PRKG1: variants seen among roughly 807,000 people sequenced by gnomAD.
The protein encoded by PRKG1 is cGMP-dependent protein kinase 1.
In PRKG1, 35 loss-of-function variants were observed where a neutral mutation model predicts 88.1. The ratio of observed to expected loss-of-function variants is 0.40; its 90% CI spans 0.30 to 0.53. PRKG1 has a LOEUF of 0.53. Ranked by LOEUF, PRKG1 falls within the 20% of genes least tolerant of loss-of-function variation. The probability of loss-of-function intolerance (pLI) is 0.59; values close to 1 mark genes in which losing one functional copy is unlikely to be tolerated. For synonymous variants in PRKG1, 303 were observed against 292.5 expected (o/e 1.04, Z -0.37); for missense variants, 540 against 839.8 (o/e 0.64, Z 4.41).
intron 2 of PRKG1, among the ~76,000 whole-genome samples, chr10:51,273,413 C>T (rs79302330): frequency 0.2 from 30,414 of 151,442 alleles, 3,985 homozygotes; most frequent in African/African-American, 0.37. Flanking sequence ...TCCCAGCTAC[C>T]TGAGAGGCTG....
chr10:51,956,878 A>G (rs934500370), intron 5 of PRKG1, among the ~76,000 whole-genome samples: 2 of 152,130 alleles, frequency 1.3e-5, no homozygotes, highest in Non-Finnish European at 2.9e-5. Flanking sequence ...TCTATATGTT[A>G]CTAGCCCTGA....
intron 3 of PRKG1, among the ~76,000 whole-genome samples, chr10:51,578,562 C>T (rs2879585): frequency 0.013 from 2,015 of 152,184 alleles, 19 homozygotes; most frequent in Non-Finnish European, 0.02. Flanking sequence ...TGAAGTCTGT[C>T]TTCTCACAGG....
At chr10:51,580,270 G>A (rs1034053777) in intron 3 of PRKG1, among the ~76,000 whole-genome samples, 16 of 152,064 alleles carry the variant, frequency 1.1e-4, no homozygotes, top group African/African-American at 3.9e-4. Context: ...AAGGTACAAT[G>A]CAGTTTGTTG....
intron 2 of PRKG1, among the ~76,000 whole-genome samples, chr10:51,174,014 G>A (rs990443595): frequency 6.6e-6 from 1 of 151,830 alleles, no homozygotes; most frequent in South Asian, 2.1e-4. Context: ...GGAGAAAGAA[G>A]TATCCCTCAA....
chr10:52,051,671 A>G (rs10824002), intron 5 of PRKG1, among the ~76,000 whole-genome samples: 39,798 of 152,072 alleles, frequency 0.26, 6,473 homozygotes, highest in East Asian at 0.71. Context: ...ATTGAACCCT[A>G]TCATTGGGCA....
At chr10:51,300,947 A>T (rs1470171166) in intron 2 of PRKG1, among the ~76,000 whole-genome samples, 1 of 152,178 alleles carries the variant, frequency 6.6e-6, no homozygotes, top group Non-Finnish European at 1.5e-5. Context: ...CTAAGCTTCT[A>T]ATTTCACTTT....
intron 5 of PRKG1, among the ~76,000 whole-genome samples, chr10:52,033,771 G>A (rs1474034077): frequency 6.6e-6 from 1 of 152,140 alleles, no homozygotes; most frequent in African/African-American, 2.4e-5. Context: ...GCACGTCCGT[G>A]TGAACAGACC....
chr10:51,300,611 C>G (rs887740005), intron 2 of PRKG1, among the ~76,000 whole-genome samples: 3 of 152,200 alleles, frequency 2.0e-5, no homozygotes, highest in Admixed American at 6.5e-5. Context: ...TAAGTTAAAT[C>G]TAAAAGCCAC....
chr10:51,330,303 A>G (rs1168866083), intron 2 of PRKG1, among the ~76,000 whole-genome samples: 1 of 151,624 alleles, frequency 6.6e-6, no homozygotes, highest in African/African-American at 2.4e-5. Context: ...GGCATGCGCA[A>G]CCATGCCTGG....
At chr10:51,384,145 T>C (rs1431606241) in intron 2 of PRKG1, among the ~76,000 whole-genome samples, 1 of 152,042 alleles carries the variant, frequency 6.6e-6, no homozygotes, top group Non-Finnish European at 1.5e-5. Flanking sequence ...AGACCAGAGA[T>C]GGGAATGAGA....
chr10:51,601,853 T>C (rs1201718480), intron 3 of PRKG1, among the ~76,000 whole-genome samples: 1 of 147,752 alleles, frequency 6.8e-6, no homozygotes, highest in Admixed American at 6.9e-5. Context: ...GGAAGCATGT[T>C]ATAACTTGAG....
At chr10:51,442,216 T>G (rs1839134322) in intron 2 of PRKG1, among the ~76,000 whole-genome samples, 1 of 152,014 alleles carries the variant, frequency 6.6e-6, no homozygotes, top group South Asian at 2.1e-4. Context: ...AGTTCCAGTT[T>G]TTGAAACAAT....
chr10:51,519,899 A>G (rs1841692486), intron 3 of PRKG1, among the ~76,000 whole-genome samples: 1 of 152,222 alleles, frequency 6.6e-6, no homozygotes, highest in Non-Finnish European at 1.5e-5. Context: ...CTTATCTCAG[A>G]AAGAAACAGG....
At chr10:52,208,005 C>A (rs775202461) in intron 9 of PRKG1, among the ~76,000 whole-genome samples, 1 of 151,980 alleles carries the variant, frequency 6.6e-6, no homozygotes, top group African/African-American at 2.4e-5. Context: ...TCCTATTTTC[C>A]AGGTGAGGAA....
intron 3 of PRKG1, among the ~76,000 whole-genome samples, chr10:51,575,776 G>A (rs1036702759): frequency 6.6e-6 from 1 of 151,728 alleles, no homozygotes; most frequent in Non-Finnish European, 1.5e-5. Flanking sequence ...TGAGAATGGA[G>A]CCATTTTAGA....
At chr10:51,174,157 C>T (rs887407439) in intron 2 of PRKG1, among the ~76,000 whole-genome samples, 2 of 151,848 alleles carry the variant, frequency 1.3e-5, no homozygotes, top group Admixed American at 6.6e-5. Context: ...CCAAAATGTT[C>T]ACATATAATA....
chr10:52,285,211 G>A (rs766645215), intron 14 of PRKG1, among the ~76,000 whole-genome samples: 2 of 151,982 alleles, frequency 1.3e-5, no homozygotes, highest in Non-Finnish European at 2.9e-5. Flanking sequence ...AGGAAAAGAT[G>A]AATTTATCTC....
chr10:52,150,741 T>C (rs1221341454), intron 8 of PRKG1, among the ~76,000 whole-genome samples: 3 of 152,180 alleles, frequency 2.0e-5, no homozygotes, highest in African/African-American at 4.8e-5. Context: ...CTAAAACAGA[T>C]ACCTTGGGAT....
intron 3 of PRKG1, among the ~76,000 whole-genome samples, chr10:51,519,207 G>T (rs1020940904): frequency 2.6e-5 from 4 of 152,254 alleles, no homozygotes; most frequent in African/African-American, 9.6e-5. Flanking sequence ...AGAGGTAGAA[G>T]AGTGATTATT....
Sources: gnomAD v4.1 joint callset for allele counts (sites outside exome capture counted in the v4.1 genomes callset) on GRCh38, gnomAD v4.1.1 for gene constraint, MANE v1.5 for transcripts, NCBI Gene and HGNC (gene_info 2026-07-23, HGNC 2026-07-21) for gene names.